Variants in SLC4A7 observed in about 807,000 individuals in gnomAD.
The protein encoded by SLC4A7 is sodium bicarbonate cotransporter 3.
In SLC4A7, 51 loss-of-function variants were observed where a neutral mutation model predicts 137.6. That is an observed-to-expected ratio of 0.37 (90% CI 0.30 to 0.47). The LOEUF (loss-of-function observed/expected upper bound fraction) is 0.47. Ranked by LOEUF, SLC4A7 falls within the 20% of genes least tolerant of loss-of-function variation. The pLI is 1.00. For synonymous variants in SLC4A7, 542 were observed against 518.6 expected (o/e 1.05, Z -0.61); for missense variants, 1,247 against 1,525.4 (o/e 0.82, Z 3.04).
chr3:27,434,443 A>G (rs1191648782), intron 5 of SLC4A7, among the ~76,000 whole-genome samples: 1 of 152,196 alleles, frequency 6.6e-6, no homozygotes, highest in Non-Finnish European at 1.5e-5. Context: ...AAGGTATTTT[A>G]TTGCCAAACC....
At position 27,376,798 on chromosome 3, in the gene SLC4A7, C is replaced by T; in HGVS notation, c.3746G>A (p.Arg1249Lys). Residue 1249 changes from arginine to lysine, a missense_variant, in exon 26 of 26, where the codon AGA (arginine) becomes AAA (lysine). This residue lies in a region of SLC4A7 where 290 missense variants were observed against 323.8 expected (regional missense o/e 0.90). Coordinates refer to ENST00000454389, the MANE Select transcript of SLC4A7 (RefSeq NM_001321103.2). ...SVKISFEDEP[R>K]KKYVDAETSL The stretch of plus-strand genomic sequence containing the variant: ...AGTTTCAGCATCCACGTATTTCTTT[C>T]TTGGTTCATCTTCAAAACTTATTTT... 1.3e-6 allele frequency: 2 copies of T among 1,599,804 alleles called. No homozygotes were observed. The highest frequency in any genetic ancestry group is 1.7e-6 in the Non-Finnish European group (2 of 1,171,124).
chr3:27,445,399 T>C (rs769067674), intron 3 of SLC4A7, among the ~76,000 whole-genome samples: 2 of 152,136 alleles, frequency 1.3e-5, no homozygotes, highest in Non-Finnish European at 2.9e-5. Flanking sequence ...GGAAACTGTC[T>C]CTGGGCAATA....
At chr3:27,406,205 T>C (rs907131371) in intron 13 of SLC4A7, among the ~76,000 whole-genome samples, 2 of 152,232 alleles carry the variant, frequency 1.3e-5, no homozygotes, top group African/African-American at 4.8e-5. Flanking sequence ...TTAACCTTTC[T>C]AAGCCTAAGC....
intron 14 of SLC4A7, 42 bp downstream of exon 14, chr3:27,404,788 C>T (rs756328116): frequency 1.0e-5 from 15 of 1,452,642 alleles, no homozygotes; most frequent in Non-Finnish European, 1.2e-5. Context: ...TAAACAATTT[C>T]ATATATAACA....
At chr3:27,440,071 A>G (rs1357453019) in intron 3 of SLC4A7, among the ~76,000 whole-genome samples, 1 of 152,168 alleles carries the variant, frequency 6.6e-6, no homozygotes, top group African/African-American at 2.4e-5. Flanking sequence ...TTATGTTCCT[A>G]GCTTGGCCAT....
intron 1 of SLC4A7, among the ~76,000 whole-genome samples, chr3:27,465,435 C>G (rs1285455854): frequency 6.9e-6 from 1 of 145,554 alleles, no homozygotes; most frequent in African/African-American, 2.5e-5. Flanking sequence ...ATTTTCCTAA[C>G]CATTTTCCCA....
intron 6 of SLC4A7, among the ~76,000 whole-genome samples, chr3:27,432,451 G>T (rs1365917377): frequency 6.6e-6 from 1 of 152,086 alleles, no homozygotes; most frequent in African/African-American, 2.4e-5. Flanking sequence ...CAGCAATATA[G>T]CAGTAGGTCT....
chr3:27,405,569 T>C (rs1376013335), intron 13 of SLC4A7, among the ~76,000 whole-genome samples: 1 of 152,154 alleles, frequency 6.6e-6, no homozygotes, highest in Non-Finnish European at 1.5e-5. Flanking sequence ...AAATAAAAAA[T>C]AGTAAATAAT....
intron 3 of SLC4A7, among the ~76,000 whole-genome samples, chr3:27,440,491 G>T (rs2057104199): frequency 6.6e-6 from 1 of 152,154 alleles, no homozygotes; most frequent in African/African-American, 2.4e-5. Context: ...ACTTTGGGAG[G>T]CCGAGGCAGG....
At chr3:27,441,655 A>G (rs1036466708) in intron 3 of SLC4A7, among the ~76,000 whole-genome samples, 4 of 151,714 alleles carry the variant, frequency 2.6e-5, no homozygotes, top group Admixed American at 2.6e-4. Flanking sequence ...TACCCAGGTA[A>G]TTTTTTATTT....
intron 3 of SLC4A7, among the ~76,000 whole-genome samples, chr3:27,438,691 CATAAA>C (rs1305493337): frequency 2.7e-5 from 4 of 150,062 alleles, no homozygotes; most frequent in African/African-American, 9.8e-5. Flanking sequence ...CACAACATAA[CATAAA>C]ATAACATAAC....
intron 21 of SLC4A7, 36 bp downstream of exon 21, chr3:27,391,704 G>A (rs779284776): frequency 1.7e-6 from 2 of 1,182,142 alleles, no homozygotes; most frequent in Non-Finnish European, 2.5e-6. Context: ...AAATTATCAA[G>A]TTTCTATAGA....
At chr3:27,405,440 G>A (rs1177282808) in intron 13 of SLC4A7, among the ~76,000 whole-genome samples, 1 of 152,166 alleles carries the variant, frequency 6.6e-6, no homozygotes, top group Non-Finnish European at 1.5e-5. Flanking sequence ...GAGTAAATGG[G>A]AGAGACACAT....
chr3:27,396,470 A>G (rs2052179472), intron 18 of SLC4A7, among the ~76,000 whole-genome samples: 1 of 152,098 alleles, frequency 6.6e-6, no homozygotes, highest in African/African-American at 2.4e-5. Context: ...AGTTTCATTT[A>G]TTTATATATT....
chr3:27,439,587 T>C (rs2057027610), intron 3 of SLC4A7, among the ~76,000 whole-genome samples: 1 of 152,214 alleles, frequency 6.6e-6, no homozygotes, highest in Admixed American at 6.5e-5. Flanking sequence ...TTTTATATCC[T>C]GGGACCTGCT....
rs374527968 is a variant in SLC4A7, at chr3:27,448,727, G to A, written c.213C>T (p.Arg71=). The change falls in exon 3 of 26, where the codon CGC becomes CGT. Residue 71 remains arginine (R), a synonymous_variant. Transcript: ENST00000454389. ...TTCTCCGGTGGTGATGTTTGTGTCC[G>A]CGATGCCTATGACGCCGACGACTCT... The part of the protein sequence containing the change: ...SKESRRRHRH[R]GHKHHHRRRK... 9.4e-5 allele frequency: 152 copies of A among 1,612,516 alleles called. No homozygotes were observed. The highest frequency in any genetic ancestry group is 1.3e-4 in the African/African-American group (10 of 74,778).
intron 22 of SLC4A7, 144 bp downstream of exon 22, chr3:27,389,787 T>C (rs1478522943): frequency 3.3e-6 from 2 of 598,106 alleles, no homozygotes; most frequent in Non-Finnish European, 5.6e-6. Context: ...GCTTTGTATC[T>C]AGTAACAGCT....
intron 18 of SLC4A7, among the ~76,000 whole-genome samples, chr3:27,397,019 T>C (rs1445360502): frequency 1.3e-5 from 2 of 152,010 alleles, no homozygotes; most frequent in Non-Finnish European, 2.9e-5. Context: ...TCCTAGAAAA[T>C]TGAATTTTAG....
In SLC4A7 at chr3:27,452,574, G is replaced by T. The variant is rs553685186; in HGVS notation, c.61-76C>A. ...CCTATTATATGCATCCTTTGAAATG[G>T]CAACAAAATATAAAACAGACTGCTT... On this transcript the variant is annotated intron_variant, in intron 1 of 25. Coordinates refer to ENST00000454389, the MANE Select transcript of SLC4A7 (RefSeq NM_001321103.2). 1.1e-5 allele frequency: 9 copies of T among 844,876 alleles called. No individual in the cohort carries two copies. The African/African-American group carries it at 1.2e-4, about 12-fold the overall frequency. 52.3% of individuals were successfully genotyped at this position (844,876 alleles called of 1,614,324 possible).
Sources: gnomAD v4.1 joint callset for allele counts (sites outside exome capture counted in the v4.1 genomes callset) on GRCh38, gnomAD v4.1.1 for gene constraint, gnomAD v4.1.1 regional missense constraint, MANE v1.5 for transcripts, NCBI Gene and HGNC (gene_info 2026-07-23, HGNC 2026-07-21) for gene names.